Variants in GRM4 observed in about 807,000 individuals in gnomAD.
GRM4 encodes metabotropic glutamate receptor 4.
In GRM4, 28 loss-of-function variants were observed where a neutral mutation model predicts 81.7. That is an observed-to-expected ratio of 0.34 (90% confidence interval 0.25 to 0.47). The LOEUF (loss-of-function observed/expected upper bound fraction) is 0.47. GRM4 is among the 20% of genes least tolerant of loss of function. The pLI, the probability that GRM4 is intolerant of heterozygous loss-of-function variation, is 1.00. For missense variants in GRM4, 948 were observed against 1,290.0 expected (o/e 0.73, Z 4.06); for synonymous variants, 488 against 528.8 (o/e 0.92, Z 1.06).
At chr6:34,072,678 ACACAC>A (rs1767004108) in intron 3 of GRM4, among the ~76,000 whole-genome samples, 1 of 145,410 alleles carries the variant, frequency 6.9e-6, no homozygotes, top group South Asian at 2.2e-4. Flanking sequence ...CACCACACAC[ACACAC>A]ATCACCATAC....
rs1467873762 is a variant in GRM4, at chr6:34,048,342, C to T, written c.1169-7594G>A. Among the ~76,000 whole-genome samples the T allele has an allele frequency of 1.3e-5, 2 of 152,096 alleles. No individual in the cohort carries two copies. Among genetic ancestry groups the T allele is most frequent in the African/African-American group, 2.4e-5 (1 of 41,386 alleles). Reference sequence around the variant, plus strand: ...ACTAGGCAAGGAGAGTCACACCTGGCGCCTGCACAGCCCCGTGCCCAAGAA... The same window carrying T: ...ACTAGGCAAGGAGAGTCACACCTGGTGCCTGCACAGCCCCGTGCCCAAGAA... On this transcript the variant is annotated intron_variant, in intron 6 of 10. Coordinates refer to ENST00000538487, the MANE Select transcript of GRM4 (RefSeq NM_000841.4). This position sits in a 1 kb window ranked among gnomAD's most constrained non-coding sequence, Gnocchi z 4.0.
intron 2 of GRM4, among the ~76,000 whole-genome samples, chr6:34,124,859 T>C (rs773130268): frequency 1.3e-5 from 2 of 152,126 alleles, no homozygotes; most frequent in Non-Finnish European, 2.9e-5. Context: ...AGACTCAGCC[T>C]TCACCTCAGC....
chr6:34,088,652 G>A (rs561574159), intron 3 of GRM4, among the ~76,000 whole-genome samples: 1 of 152,294 alleles, frequency 6.6e-6, no homozygotes, highest in African/African-American at 2.4e-5. Flanking sequence ...CTAGCTCCAA[G>A]TCCTGCTCTG....
Position 34,114,362 on chromosome 6 carries a change from T to C in GRM4, c.519+18616A>G, listed in dbSNP as rs115066608. Reference sequence around the variant, plus strand: ...ATATATGAACCAATGGATGTCACTATGCATAAGGCCATCATCCGGGCCACC... The same window carrying C: ...ATATATGAACCAATGGATGTCACTACGCATAAGGCCATCATCCGGGCCACC... On this transcript the variant is annotated intron_variant, in intron 2 of 10. Transcript: ENST00000538487. The surrounding 1 kb of genome is among the most constrained non-coding windows in gnomAD (Gnocchi z 4.3). Among the ~76,000 whole-genome samples, 428 of 152,268 alleles carry C rather than the reference T, an allele frequency of 2.8e-3. 8 individuals are homozygous for C. Among genetic ancestry groups the C allele is most frequent in the South Asian group, 0.02 (97 of 4,832 alleles).
At position 34,056,791 on chromosome 6, in the gene GRM4, A is replaced by ACCAGGAGGAGCACATCCTCTGAT; in HGVS notation, c.1028-130_1028-108dup. ...AGATGGTCCAGGCGGAGGGAGAGAG[A>ACCAGGAGGAGCACATCCTCTGAT]CCAGGAGGAGCACATCCTCTGATCC... On this transcript the variant is annotated intron_variant, in intron 5 of 10. Coordinates refer to ENST00000538487, the MANE Select transcript of GRM4 (RefSeq NM_000841.4). 2.4e-6 allele frequency: 3 copies of ACCAGGAGGAGCACATCCTCTGAT among 1,238,462 alleles called. No individual in the cohort carries two copies. The South Asian group carries it at 4.5e-5, about 18-fold the overall frequency. The allele number at this position is 1,238,462 out of a possible 1,614,324, so 76.7% of individuals were successfully genotyped here.
chr6:34,154,662 G>A (rs539470743), intron 1 of GRM4, among the ~76,000 whole-genome samples: 18 of 152,032 alleles, frequency 1.2e-4, no homozygotes, highest in African/African-American at 3.9e-4. Context: ...GGAAATGCGG[G>A]ACAAAAAGCA....
chr6:34,110,000 G>A (rs1222575703), intron 2 of GRM4, among the ~76,000 whole-genome samples: 1 of 152,116 alleles, frequency 6.6e-6, no homozygotes, highest in Non-Finnish European at 1.5e-5. Context: ...CAGACACACG[G>A]GGGACACAGG....
rs182619055 is a variant in GRM4 at position 34,141,217 on chromosome 6, C to T, written c.-364+4783G>A. 3.3e-5 allele frequency among the ~76,000 whole-genome samples: 5 copies of T among 152,288 alleles called. No individual in the cohort carries two copies. In the East Asian group the frequency reaches 5.8e-4, roughly 18 times the overall value. On this transcript the variant is annotated intron_variant, in intron 1 of 10. Coordinates refer to ENST00000538487, the MANE Select transcript of GRM4 (RefSeq NM_000841.4). Reference sequence around the variant, plus strand: ...GGTGGAACCCAGACCTCCTGGTTCCCATGCTGGTGGCCCAGCCCGGGGAGA... The same window carrying T: ...GGTGGAACCCAGACCTCCTGGTTCCTATGCTGGTGGCCCAGCCCGGGGAGA...
chr6:34,122,852 C>T (rs1301692059), intron 2 of GRM4, among the ~76,000 whole-genome samples: 1 of 152,214 alleles, frequency 6.6e-6, no homozygotes, highest in East Asian at 1.9e-4. Flanking sequence ...GGGAGAGACA[C>T]GATTCCCGCA....
intron 1 of GRM4, among the ~76,000 whole-genome samples, chr6:34,151,286 C>A (rs1771039346): frequency 6.6e-6 from 1 of 152,104 alleles, no homozygotes; most frequent in Non-Finnish European, 1.5e-5. Context: ...AATGAACGAC[C>A]CACCTAGAAA....
rs755882469 is a variant in GRM4, at chr6:34,133,294, C to A, written c.203G>T (p.Gly68Val). 1.2e-6 allele frequency: 2 copies of A among 1,614,140 alleles called. No homozygotes were observed. Among genetic ancestry groups the A allele is most frequent in the Admixed American group, 3.3e-5 (2 of 60,032 alleles). Residue 68 changes from glycine to valine, a missense_variant, in exon 2 of 11, where the codon GGA becomes GTA. Gly to Val is a moderately radical substitution (Grantham distance 109). Transcript: ENST00000538487. The surrounding 1 kb of genome is among the most constrained non-coding windows in gnomAD (Gnocchi z 6.5). ...HGRGSEGKPCGELKKEKGIHR... is the reference protein window; with the variant it reads ...HGRGSEGKPCVELKKEKGIHR... ...GATGCCCTTTTCCTTCTTAAGTTCT[C>A]CACAGGGCTTGCCCTCTGAGCCCCG...
chr6:34,119,206 G>A (rs1356401764), intron 2 of GRM4, among the ~76,000 whole-genome samples: 1 of 152,158 alleles, frequency 6.6e-6, no homozygotes, highest in African/African-American at 2.4e-5. Context: ...GACCAACCTG[G>A]TCAACATGGT....
At chr6:34,072,616 AC>A (rs1341854900) in intron 3 of GRM4, among the ~76,000 whole-genome samples, 24 of 5,130 alleles carry the variant, frequency 4.7e-3, no homozygotes, top group African/African-American at 8.2e-3. Context: ...ACACACACAC[AC>A]ATCACCGCAT....
intron 6 of GRM4, among the ~76,000 whole-genome samples, chr6:34,045,684 G>C (rs1765331661): frequency 6.6e-6 from 1 of 152,182 alleles, no homozygotes; most frequent in Admixed American, 6.5e-5. Context: ...TGCAGGTCTA[G>C]AACAGGAAGG....
At chr6:34,123,083 C>T (rs868331694) in intron 2 of GRM4, among the ~76,000 whole-genome samples, 2 of 152,142 alleles carry the variant, frequency 1.3e-5, no homozygotes, top group Non-Finnish European at 1.5e-5. Flanking sequence ...ACAGAGAGGG[C>T]GGCCACGTTA....
intron 1 of GRM4, among the ~76,000 whole-genome samples, chr6:34,151,426 G>A (rs1014618105): frequency 2.0e-5 from 3 of 152,096 alleles, no homozygotes; most frequent in Non-Finnish European, 2.9e-5. Context: ...CCACATGTCC[G>A]GGGGCTGTCA....
chr6:34,103,097 G>A (rs1768926245), intron 2 of GRM4, among the ~76,000 whole-genome samples: 1 of 152,210 alleles, frequency 6.6e-6, no homozygotes, highest in Admixed American at 6.5e-5. Context: ...TGACACCCCA[G>A]GAAGCAAACG....
upstream of GRM4, chr6:34,146,136 C>G (rs1770923551): frequency 1.0e-6 from 1 of 985,448 alleles, no homozygotes; most frequent in Admixed American, 6.1e-5. Context: ...TGGTGCGTCA[C>G]TGGAACCTCA....
intron 1 of GRM4, among the ~76,000 whole-genome samples, chr6:34,138,135 A>G (rs529699625): frequency 5.3e-5 from 8 of 152,320 alleles, no homozygotes; most frequent in African/African-American, 1.9e-4. Flanking sequence ...AAATCGAGAG[A>G]ACAACCTTGT....
Sources: gnomAD v4.1 joint callset for allele counts (sites outside exome capture counted in the v4.1 genomes callset) on GRCh38, gnomAD v4.1.1 for gene constraint, Gnocchi (gnomAD v3.1) non-coding constraint, MANE v1.5 for transcripts, NCBI Gene and HGNC (gene_info 2026-07-23, HGNC 2026-07-21) for gene names.